Variants in KIAA1671 observed in about 807,000 individuals in gnomAD.
KIAA1671 encodes KIAA1671, also known as uncharacterized protein KIAA1671.
In KIAA1671, 52 loss-of-function variants were observed where a neutral mutation model predicts 131.2. The ratio of observed to expected loss-of-function variants is 0.40; its 90% confidence interval spans 0.32 to 0.50. The LOEUF (loss-of-function observed/expected upper bound fraction) is 0.50, where lower values mean the gene tolerates loss of function less well. Among genes scored for constraint, KIAA1671 ranks in the 20% least tolerant of loss-of-function variants. The probability of loss-of-function intolerance (pLI) is 0.73; values close to 1 mark genes in which losing one functional copy is unlikely to be tolerated. For missense variants in KIAA1671, 2,360 were observed against 2,364.2 expected, an observed-to-expected ratio of 1.00 and a Z score of 0.04; for synonymous variants, 1,003 against 961.6, an observed-to-expected ratio of 1.04 and a Z score of -0.80.
At chr22:25,188,199 G>A (rs531663499) in intron 11 of KIAA1671, among the ~76,000 whole-genome samples, 6 of 152,304 alleles carry the variant, frequency 3.9e-5, no homozygotes, top group African/African-American at 1.2e-4. Flanking sequence ...TACTCGGGAG[G>A]CTGAGGCAGG....
rs5996848 is a variant in KIAA1671, at chr22:25,181,963, A to G, written c.5199+140A>G. On this transcript the variant is annotated intron_variant, in intron 10 of 12. Coordinates refer to ENST00000358431, the MANE Select transcript of KIAA1671 (RefSeq NM_001145206.2). The stretch of plus-strand genomic sequence containing the variant: ...GAGGCCGAGTTGGGCGGATCACGAG[A>G]TCAGGAGATCGAGACCATCCTGGAT... The G allele has an allele frequency of 0.75, 622,969 of 835,004 alleles. 235,840 individuals carry two copies. The highest frequency in any genetic ancestry group is 0.95 in the African/African-American group (55,077 of 58,000). 51.7% of individuals were successfully genotyped at this position (835,004 alleles called of 1,614,324 possible).
At chr22:25,004,565 TC>T (rs1181943527) in intron 1 of KIAA1671, among the ~76,000 whole-genome samples, 1 of 152,188 alleles carries the variant, frequency 6.6e-6, no homozygotes, top group Non-Finnish European at 1.5e-5. Flanking sequence ...TCTGCCCATT[TC>T]CCTGCCCTCC....
chr22:25,190,801 T>C lies in KIAA1671; in HGVS notation c.*4+17T>C, dbSNP rs765646681. The C allele has an allele frequency of 7.9e-6, 12 of 1,519,676 alleles. No homozygotes were observed. Among genetic ancestry groups the C allele is most frequent in the Middle Eastern group, 1.7e-4 (1 of 5,964 alleles). The allele number at this position is 1,519,676 out of a possible 1,614,324, so 94.1% of individuals were successfully genotyped here. A position where few individuals can be genotyped will look rare whatever the true frequency, so the allele number is the denominator to read the frequency against. ...TTTGACCAGGTATGAAGGGGCTCTG[T>C]TGGGGAACCTGGGAAGAGCCCTGCA... is the stretch of plus-strand genomic sequence containing the variant. On this transcript the variant is annotated intron_variant, in intron 12 of 12. Transcript: ENST00000358431.
chr22:25,025,491 A>ATT, intron 1 of KIAA1671, 142 bp from the exon 2 acceptor site: 1 of 152,168 alleles, frequency 6.6e-6, no homozygotes, highest in Non-Finnish European at 1.5e-5. Context: ...AAGGCTACAA[A>ATT]ATCGAAAAGC....
rs1934859891 is a variant in KIAA1671, at chr22:25,197,341, A to AAATCTGGTCGACTGC, written c.*4944_*4958dup. On this transcript the variant is annotated 3_prime_UTR_variant, in exon 13 of 13. Transcript: ENST00000358431. ...TTCATATGCACAGAAGAGCAGTTGG[A>AAATCTGGTCGACTGC]AATCTGGTCGACTGCAATAAAACAA... is the stretch of plus-strand genomic sequence containing the variant. 1 of 152,268 alleles carries AAATCTGGTCGACTGC rather than the reference A, an allele frequency of 6.6e-6. No homozygotes were observed. The highest frequency in any genetic ancestry group is 1.5e-5 in the Non-Finnish European group (1 of 68,050). 9.4% of individuals were successfully genotyped at this position (152,268 alleles called of 1,614,324 possible). A position where few individuals can be genotyped will look rare whatever the true frequency, so the allele number is the denominator to read the frequency against.
intron 6 of KIAA1671, chr22:25,060,587 C>G (rs1379366918): frequency 1.3e-5 from 2 of 152,192 alleles, no homozygotes; most frequent in African/African-American, 4.8e-5. Context: ...CACTTGTTAT[C>G]TCACTGGATC....
intron 5 of KIAA1671, among the ~76,000 whole-genome samples, chr22:25,047,151 C>T (rs1236006465): frequency 6.0e-4 from 73 of 121,680 alleles, no homozygotes; most frequent in Non-Finnish European, 7.4e-4. Context: ...TTTTTCTTTT[C>T]TTTTTTTTTT....
At chr22:25,097,694 C>T (rs915906989) in intron 6 of KIAA1671, among the ~76,000 whole-genome samples, 5 of 151,388 alleles carry the variant, frequency 3.3e-5, no homozygotes, top group African/African-American at 9.7e-5. Context: ...GAGCCGAGAT[C>T]GCGCCATTGC....
At chr22:25,114,667 T>C (rs1176697950) in intron 6 of KIAA1671, among the ~76,000 whole-genome samples, 2 of 152,160 alleles carry the variant, frequency 1.3e-5, no homozygotes, top group African/African-American at 4.8e-5. Flanking sequence ...GTTCTTAGCT[T>C]GTGGTGCTTA....
At chr22:25,010,095 A>C (rs187646518) in intron 1 of KIAA1671, 4 of 152,322 alleles carry the variant, frequency 2.6e-5, no homozygotes, top group Non-Finnish European at 5.9e-5. Context: ...TTGGATCTTA[A>C]ACATTTAGGC....
rs141683212 is a variant in KIAA1671 at position 24,956,076 on chromosome 22, G to A, written c.-208+3304G>A. 2.8e-4 allele frequency among the ~76,000 whole-genome samples: 42 copies of A among 152,046 alleles called. No individual in the cohort carries two copies. The East Asian group carries it at 7.0e-3, about 25-fold the overall frequency. On this transcript the variant is annotated intron_variant, in intron 1 of 12. Transcript: ENST00000358431. Reference sequence around the variant, plus strand: ...AAAAGAAAAATCCTGGTGAGAGACCGCGGTGCGCGGTGGACTGGACGTAGA... The same window carrying A: ...AAAAGAAAAATCCTGGTGAGAGACCACGGTGCGCGGTGGACTGGACGTAGA...
chr22:25,025,503 A>G (rs1925898638), intron 1 of KIAA1671, 130 bp from the exon 2 acceptor site: 1 of 152,342 alleles, frequency 6.6e-6, no homozygotes, highest in African/African-American at 2.4e-5. Flanking sequence ...TCGAAAAGCC[A>G]AAAGGAGCAT....
intron 6 of KIAA1671, among the ~76,000 whole-genome samples, chr22:25,142,256 G>A (rs1164828976): frequency 6.6e-6 from 1 of 152,162 alleles, no homozygotes; most frequent in Non-Finnish European, 1.5e-5. Flanking sequence ...CTTAATTCGT[G>A]GGAATGTTCT....
intron 6 of KIAA1671, among the ~76,000 whole-genome samples, chr22:25,156,582 T>C (rs111753707): frequency 6.6e-6 from 1 of 152,182 alleles, no homozygotes; most frequent in Non-Finnish European, 1.5e-5. Context: ...TATATACATA[T>C]ATGTGTGCAT....
At position 24,968,159 on chromosome 22, in the gene KIAA1671, C is replaced by T. The variant is rs576846131; in HGVS notation, c.-208+15387C>T. Among the ~76,000 whole-genome samples, 37 of 152,328 alleles carry T rather than the reference C, an allele frequency of 2.4e-4. No individual in the cohort carries two copies. The South Asian group carries it at 7.7e-3, about 32-fold the overall frequency. On this transcript the variant is annotated intron_variant, in intron 1 of 12. Coordinates refer to ENST00000358431, the MANE Select transcript of KIAA1671 (RefSeq NM_001145206.2). Reference sequence around the variant, plus strand: ...GATGCAGATGTCTTAATCACAGCCCCTCTGCCTTCCTGTCCTTTAATTCAT... The same window carrying T: ...GATGCAGATGTCTTAATCACAGCCCTTCTGCCTTCCTGTCCTTTAATTCAT...
chr22:25,183,038 CTTAA>C (rs1489063999), intron 10 of KIAA1671, among the ~76,000 whole-genome samples: 1 of 152,042 alleles, frequency 6.6e-6, no homozygotes, highest in African/African-American at 2.4e-5. Flanking sequence ...CCAAATGGCA[CTTAA>C]TTTGGGTGAG....
At chr22:25,021,183 G>A (rs1925645912) in intron 1 of KIAA1671, among the ~76,000 whole-genome samples, 1 of 152,010 alleles carries the variant, frequency 6.6e-6, no homozygotes, top group African/African-American at 2.4e-5. Flanking sequence ...TCAGCCTCCT[G>A]AGTAGCTGGG....
chr22:25,066,619 T>C (rs1017597730), intron 6 of KIAA1671, among the ~76,000 whole-genome samples: 1 of 152,222 alleles, frequency 6.6e-6, no homozygotes, highest in Non-Finnish European at 1.5e-5. Flanking sequence ...GAATCCAGGC[T>C]GATCTCACCT....
rs879096291 is a variant in KIAA1671, at chr22:25,029,434, G to T, written c.1435G>T (p.Val479Phe). 9 of 1,551,352 alleles carry T rather than the reference G, an allele frequency of 5.8e-6. No homozygotes were observed. The African/African-American group carries it at 1.2e-4, about 21-fold the overall frequency. Residue 479 changes from valine (V) to phenylalanine (F), a missense_variant, in exon 3 of 13, where the codon GTT becomes TTT. By Grantham distance (50) the Val-to-Phe change is conservative. Coordinates refer to ENST00000358431, the MANE Select transcript of KIAA1671 (RefSeq NM_001145206.2). ...AGAGCCGGAGAAAGGGGTTGTGAGC[G>T]TTCAGGAACGGATCAGAGGCTGGAC... ...APEPEKGVVS[V>F]QERIRGWTAE...
Sources: allele counts gnomAD v4.1 joint callset (sites outside exome capture counted in the v4.1 genomes callset), GRCh38; gene constraint gnomAD v4.1.1; transcripts MANE v1.5; gene names NCBI Gene and HGNC (gene_info 2026-07-23, HGNC 2026-07-21).